The following GFRA2 variants were observed in gnomAD, a reference collection of about 807,000 sequenced individuals.
GFRA2 encodes the protein GDNF family receptor alpha 2.
GFRA2 carries 17 observed loss-of-function variants against 48.3 expected under a neutral mutation model. That is an observed-to-expected ratio of 0.35 (90% CI 0.24 to 0.53). The LOEUF (loss-of-function observed/expected upper bound fraction) is 0.53. Ranked by LOEUF, GFRA2 falls within the 20% of genes least tolerant of loss-of-function variation. GFRA2 has a pLI of 0.93. For synonymous variants in GFRA2, 305 were observed against 257.2 expected (o/e 1.19, Z -1.78); for missense variants, 660 against 637.3 (o/e 1.04, Z -0.38).
At chr8:21,786,334 C>T (rs1021232122) in intron 1 of GFRA2, among the ~76,000 whole-genome samples, 2 of 152,234 alleles carry the variant, frequency 1.3e-5, no homozygotes, top group Admixed American at 1.3e-4. Context: ...CTCCAGCCCC[C>T]GACCACAGAT....
At position 21,702,987 on chromosome 8, in the gene GFRA2, G is replaced by C; in HGVS notation, c.1046-10C>G. 1 of 1,498,720 alleles carries C rather than the reference G, an allele frequency of 6.7e-7. No individual in the cohort carries two copies. Among genetic ancestry groups the C allele is most frequent in the Non-Finnish European group, 8.9e-7 (1 of 1,128,224 alleles). The allele number at this position is 1,498,720 out of a possible 1,614,324, so 92.8% of individuals were successfully genotyped here. A position where few individuals can be genotyped will look rare whatever the true frequency, so the allele number is the denominator to read the frequency against. ...GCCTGGATGGCGTTCCCTGGGATGGGGGTGAGGGCAGATGCAGAGAAGTCA... is the reference window on the plus strand; with the variant it reads ...GCCTGGATGGCGTTCCCTGGGATGGCGGTGAGGGCAGATGCAGAGAAGTCA... On this transcript the variant is annotated splice_polypyrimidine_tract_variant and intron_variant, in intron 6 of 8. Transcript: ENST00000524240.
rs780776992 is a variant in GFRA2, at chr8:21,787,275, T to TGG, written c.40+843_40+844dup. 9.4e-4 allele frequency among the ~76,000 whole-genome samples: 71 copies of TGG among 75,742 alleles called. 2 individuals are homozygous for TGG. The East Asian group carries it at 0.027, about 29-fold the overall frequency. The allele number at this position is 75,742 out of a possible 152,430, so 49.7% of individuals were successfully genotyped here. On this transcript the variant is annotated intron_variant, in intron 1 of 8. Coordinates refer to ENST00000524240, the MANE Select transcript of GFRA2 (RefSeq NM_001495.5). ...GTCTTGGAGGCGGCGGGGGGGGCAG[T>TGG]GGGGGGGGTTTGCAGAAGGAGCAGT...
intron 2 of GFRA2, among the ~76,000 whole-genome samples, chr8:21,777,945 C>T (rs998119944): frequency 5.9e-5 from 9 of 152,176 alleles, no homozygotes; most frequent in Non-Finnish European, 1.2e-4. Context: ...CCATGTCTTG[C>T]GGTCACATTC....
At chr8:21,795,893 G>A (rs1807665896) in intron 2 of GFRA2, among the ~76,000 whole-genome samples, 1 of 152,132 alleles carries the variant, frequency 6.6e-6, no homozygotes, top group African/African-American at 2.4e-5. Flanking sequence ...GCTCATGGAG[G>A]GCAAGGAAAA....
In GFRA2 at chr8:21,755,991, G is replaced by A. The variant is rs183572035; in HGVS notation, c.440-5049C>T. Among the ~76,000 whole-genome samples, 172 of 152,322 alleles carry A rather than the reference G, an allele frequency of 1.1e-3. 1 individual carries two copies. The highest frequency in any genetic ancestry group is 2.1e-4 in the South Asian group (1 of 4,828). On this transcript the variant is annotated intron_variant, in intron 3 of 8. Coordinates refer to ENST00000524240, the MANE Select transcript of GFRA2 (RefSeq NM_001495.5). ...TTCTCTCCCAGGCCAGCCGTAGGAC[G>A]CACCTGTCAGAGGCTGGCTGGCTGC...
At position 21,779,034 on chromosome 8, in the gene GFRA2, C is replaced by A. The variant is rs1197588967; in HGVS notation, c.355+3551G>T. On this transcript the variant is annotated intron_variant, in intron 2 of 8. Coordinates refer to ENST00000524240, the MANE Select transcript of GFRA2 (RefSeq NM_001495.5). ...TGAGCAACATAGTAAGACCTCATCTCTACTTAAAAAAAAAAAAAAGCCAGT... is the reference window on the plus strand; with the variant it reads ...TGAGCAACATAGTAAGACCTCATCTATACTTAAAAAAAAAAAAAAGCCAGT... Among the ~76,000 whole-genome samples the A allele has an allele frequency of 2.0e-5, 3 of 150,974 alleles. No individual in the cohort carries two copies. The East Asian group carries it at 5.9e-4, about 30-fold the overall frequency.
rs757427158 is a variant in GFRA2 at position 21,705,972 on chromosome 8, G to C, written c.864C>G (p.Asp288Glu). ...AAGAGCCCAGACACGCCTGGTAATTGTCCGCAGGGCAGCTGGTGACCGTCT... is the reference window on the plus strand; with the variant it reads ...AAGAGCCCAGACACGCCTGGTAATTCTCCGCAGGGCAGCTGGTGACCGTCT... The part of the protein sequence containing the change: ...SYQTVTSCPA[D>E]NYQACLGSYA... Residue 288 changes from aspartate (D) to glutamate (E), a missense_variant, in exon 5 of 9, where the codon GAC (aspartate) becomes GAG (glutamate). Asp to Glu is a conservative substitution (Grantham distance 45). Transcript: ENST00000524240. The C allele has an allele frequency of 6.3e-7, 1 of 1,577,904 alleles. No homozygotes were observed. Among genetic ancestry groups the C allele is most frequent in the South Asian group, 1.2e-5 (1 of 85,598 alleles).
chr8:21,789,100 AGGCGGT>A (rs1304561413), upstream of GFRA2: 13 of 138,536 alleles, frequency 9.4e-5, no homozygotes, highest in Admixed American at 6.1e-4. Context: ...GACAAGGCGA[AGGCGGT>A]GGCGGTGGCG....
intron 4 of GFRA2, among the ~76,000 whole-genome samples, chr8:21,733,753 G>C (rs11780172): frequency 6.6e-6 from 1 of 152,192 alleles, no homozygotes; most frequent in East Asian, 1.9e-4. Context: ...TGATGGGATA[G>C]AGGCTGAGGT....
At chr8:21,727,486 T>A (rs1803930018) in intron 4 of GFRA2, among the ~76,000 whole-genome samples, 2 of 152,204 alleles carry the variant, frequency 1.3e-5, no homozygotes, top group African/African-American at 4.8e-5. Flanking sequence ...GGCAGAAGTC[T>A]GTGGGGCTTG....
intron 6 of GFRA2, 83 bp downstream of exon 6, chr8:21,704,902 C>G: frequency 3.7e-6 from 4 of 1,069,424 alleles, no homozygotes; most frequent in Non-Finnish European, 4.2e-6. Context: ...GCCATCCCCA[C>G]GGAAGGAGAT....
intron 2 of GFRA2, among the ~76,000 whole-genome samples, chr8:21,797,967 G>A (rs1807707218): frequency 3.9e-5 from 6 of 152,260 alleles, no homozygotes; most frequent in African/African-American, 7.2e-5. Flanking sequence ...ACAACGAGCA[G>A]CTACAGTTCC....
intron 3 of GFRA2, among the ~76,000 whole-genome samples, chr8:21,757,563 G>A (rs62494075): frequency 0.023 from 3,427 of 149,382 alleles, 55 homozygotes; most frequent in Non-Finnish European, 0.036. Flanking sequence ...GCATGATCTC[G>A]GCTCACTGCA....
At chr8:21,756,378 T>C (rs980100078) in intron 3 of GFRA2, among the ~76,000 whole-genome samples, 2 of 151,994 alleles carry the variant, frequency 1.3e-5, no homozygotes, top group Non-Finnish European at 2.9e-5. Context: ...AGGAACCGGG[T>C]TTGAGTGGGC....
intron 7 of GFRA2, among the ~76,000 whole-genome samples, chr8:21,697,913 G>A (rs1352994805): frequency 6.6e-6 from 1 of 152,146 alleles, no homozygotes; most frequent in Non-Finnish European, 1.5e-5. Flanking sequence ...ATGATTGTGA[G>A]GCCTCCCCGG....
chr8:21,736,816 C>T (rs1804487173), intron 4 of GFRA2, among the ~76,000 whole-genome samples: 1 of 150,604 alleles, frequency 6.6e-6, no homozygotes, highest in Non-Finnish European at 1.5e-5. Context: ...ATAATGAGCA[C>T]ATAGGGCTTT....
chr8:21,759,474 G>T (rs1476999115), intron 3 of GFRA2, among the ~76,000 whole-genome samples: 1 of 122,162 alleles, frequency 8.2e-6, no homozygotes. Context: ...GGGAGGGAGG[G>T]AAAGAAGGAA....
At chr8:21,785,467 G>C (rs1807224195) in intron 1 of GFRA2, among the ~76,000 whole-genome samples, 2 of 152,228 alleles carry the variant, frequency 1.3e-5, no homozygotes. Context: ...AATCCTAAGA[G>C]AGTGAAGGGC....
At chr8:21,783,121 C>T in intron 1 of GFRA2, 1 of 689,442 alleles carries the variant, frequency 1.5e-6, no homozygotes, top group Non-Finnish European at 2.7e-6. Flanking sequence ...CACTCCATTC[C>T]TCCTCAGCAG....
Sources: gnomAD v4.1 joint callset for allele counts (sites outside exome capture counted in the v4.1 genomes callset) on GRCh38, gnomAD v4.1.1 for gene constraint, MANE v1.5 for transcripts, NCBI Gene and HGNC (gene_info 2026-07-23, HGNC 2026-07-21) for gene names.